Variants in CA5B observed in about 807,000 individuals in gnomAD.
CA5B encodes carbonic anhydrase 5B.
Under a neutral mutation model 23.1 loss-of-function variants are expected in CA5B, and 15 were observed. The ratio of observed to expected loss-of-function variants is 0.65; its 90% CI spans 0.43 to 1.00. CA5B has a LOEUF of 1.00. Ranked by LOEUF, CA5B falls within the 50% of genes least tolerant of loss-of-function variation. The pLI is 0.00. For synonymous variants in CA5B, 84 were observed against 98.5 expected (o/e 0.85, Z 0.87); for missense variants, 236 against 252.2 (o/e 0.94, Z 0.43).
chrX:15,744,336 AC>A (rs1230815046), intron 1 of CA5B, among the ~76,000 whole-genome samples: 2 of 111,883 alleles, frequency 1.8e-5, no homozygotes, highest in Non-Finnish European at 3.8e-5. Flanking sequence ...CCTCAGACCC[AC>A]CCCCGACCAA....
At chrX:15,760,938 T>C (rs1931591418) in intron 2 of CA5B, among the ~76,000 whole-genome samples, 1 of 111,971 alleles carries the variant, frequency 8.9e-6, no homozygotes, top group Non-Finnish European at 1.9e-5. Flanking sequence ...TTATTTTTTA[T>C]TTTTGCCTTT....
chrX:15,786,287 C>T lies in CA5B; in HGVS notation c.*3623C>T, dbSNP rs1267821209. On this transcript the variant is annotated 3_prime_UTR_variant, in exon 8 of 8. Transcript: ENST00000318636. The stretch of plus-strand genomic sequence containing the variant: ...TTACATCTTATACCTGGTGTTCTGG[C>T]ATGATTATTAACCACACTCTTTTTC... 1 of 111,438 alleles carries T rather than the reference C, an allele frequency of 9.0e-6. No homozygotes were observed. Among genetic ancestry groups the T allele is most frequent in the African/African-American group, 3.3e-5 (1 of 30,627 alleles). 9.2% of individuals were successfully genotyped at this position (111,438 alleles called of 1,213,427 possible). A position where few individuals can be genotyped will look rare whatever the true frequency, so the allele number is the denominator to read the frequency against.
At chrX:15,748,414 T>A (rs1294247563) in intron 1 of CA5B, among the ~76,000 whole-genome samples, 1 of 111,559 alleles carries the variant, frequency 9.0e-6, no homozygotes, top group African/African-American at 3.3e-5. Flanking sequence ...AGTAATTTCT[T>A]CTTAACTCCT....
intron 4 of CA5B, among the ~76,000 whole-genome samples, chrX:15,772,824 A>G (rs751900538): frequency 8.9e-6 from 1 of 112,377 alleles, no homozygotes; most frequent in Non-Finnish European, 1.9e-5. Context: ...TAAGATCCTG[A>G]AACTGAATTC....
At position 15,782,518 on chromosome X, in the gene CA5B, G is replaced by A; in HGVS notation, c.808G>A (p.Glu270Lys). Residue 270 changes from glutamate to lysine, a missense_variant, in exon 8 of 8, where the codon GAA becomes AAA. Transcript: ENST00000318636. ...EQFRTLLFTS[E>K]GEKEKRMVDN... Reference sequence around the variant, plus strand: ...ATTTCGGACCCTGCTTTTCACTTCCGAAGGGGAGAAAGAGAAAAGAATGGT... The same window carrying A: ...ATTTCGGACCCTGCTTTTCACTTCCAAAGGGGAGAAAGAGAAAAGAATGGT... The A allele has an allele frequency of 2.5e-6, 3 of 1,210,596 alleles. No homozygotes were observed. Among genetic ancestry groups the A allele is most frequent in the South Asian group, 1.8e-5 (1 of 56,917 alleles).
rs764492819 is a variant in CA5B at position 15,743,941 on chromosome X, C to T, written c.-54+5589C>T. On this transcript the variant is annotated intron_variant, in intron 1 of 7. Coordinates refer to ENST00000318636, the MANE Select transcript of CA5B (RefSeq NM_007220.4). ...AAATCTTCAGAGTCAGGGTCCCCTA[C>T]AGTGAGATCAGCACCATTCTGGGGC... Among the ~76,000 whole-genome samples, 61 of 111,884 alleles carry T rather than the reference C, an allele frequency of 5.5e-4. 1 individual carries two copies. Among genetic ancestry groups the T allele is most frequent in the African/African-American group, 1.9e-3 (59 of 30,831 alleles).
At chrX:15,752,133 C>G (rs975573467) in intron 2 of CA5B, among the ~76,000 whole-genome samples, 11 of 110,881 alleles carry the variant, frequency 9.9e-5, no homozygotes, top group African/African-American at 3.3e-4. Context: ...AAGTTACACG[C>G]AAGACATAAA....
chrX:15,778,373 A>G (rs1931967338), intron 7 of CA5B, among the ~76,000 whole-genome samples: 1 of 112,005 alleles, frequency 8.9e-6, no homozygotes, highest in Admixed American at 9.5e-5. Context: ...TTGATATGCT[A>G]TTTCTAAACT....
Position 15,776,714 on chromosome X carries a change from G to T in CA5B, c.619G>T (p.Asp207Tyr). 8.3e-7 allele frequency: 1 copy of T among 1,206,324 alleles called. No individual in the cohort carries two copies. The highest frequency in any genetic ancestry group is 1.8e-5 in the South Asian group (1 of 56,732). The part of the protein sequence containing the change: ...VDTLPSIKHK[D>Y]ALVEFGSFDP... ...CTCGGTTATCTCTTCTCTTGGCCAGGACGCCCTTGTGGAATTTGGGTCATT... is the reference window on the plus strand; with the variant it reads ...CTCGGTTATCTCTTCTCTTGGCCAGTACGCCCTTGTGGAATTTGGGTCATT... The change falls in exon 7 of 8, where the codon GAC becomes TAC. Residue 207 changes from aspartate to tyrosine, a missense_variant and splice_region_variant. This residue lies in a region of CA5B where 170 missense variants were observed against 162.0 expected (regional missense o/e 1.05). Coordinates refer to ENST00000318636, the MANE Select transcript of CA5B (RefSeq NM_007220.4).
intron 3 of CA5B, chrX:15,769,539 G>T (rs1931778554): frequency 1.3e-6 from 1 of 752,254 alleles, no homozygotes; most frequent in Non-Finnish European, 1.6e-6. Context: ...CCTCCTCAGG[G>T]TGCTTCCTGC....
intron 6 of CA5B, chrX:15,775,797 C>CTTTTTTTTCTTTTATA: frequency 1.3e-6 from 1 of 740,757 alleles, no homozygotes; most frequent in Non-Finnish European, 1.6e-6. Context: ...CATATATTCT[C>CTTTTTTTTCTTTTATA]TTCTTCTCCC....
At chrX:15,775,210 A>G (rs1931898128) in intron 5 of CA5B, 36 bp from the exon 6 acceptor site, 1 of 1,051,459 alleles carries the variant, frequency 9.5e-7, no homozygotes, top group African/African-American at 1.8e-5. Flanking sequence ...TGAGATGTCC[A>G]TTGTTTGTAA....
rs187934929 is a variant in CA5B at position 15,773,667 on chromosome X, C to T, written c.460-635C>T. On this transcript the variant is annotated intron_variant, in intron 4 of 7. Transcript: ENST00000318636. Reference sequence around the variant, plus strand: ...CTTGTGATCCACCCACCTCGGCCTCCCAAAGTGCTGGGATTACAGGCGTGA... The same window carrying T: ...CTTGTGATCCACCCACCTCGGCCTCTCAAAGTGCTGGGATTACAGGCGTGA... Among the ~76,000 whole-genome samples, 799 of 110,485 alleles carry T rather than the reference C, an allele frequency of 7.2e-3. 22 individuals are homozygous for T. The highest frequency in any genetic ancestry group is 0.071 in the Admixed American group (732 of 10,311).
In CA5B at chrX:15,752,501, G is replaced by A. The variant is rs747876908; in HGVS notation, c.142+2336G>A. On this transcript the variant is annotated intron_variant, in intron 2 of 7. Coordinates refer to ENST00000318636, the MANE Select transcript of CA5B (RefSeq NM_007220.4). The stretch of plus-strand genomic sequence containing the variant: ...AGCACTTTGCGAGGCCGAGGCGGGC[G>A]GATCACAAGGTCAGGAGATCAAGAC... 1.5e-4 allele frequency among the ~76,000 whole-genome samples: 17 copies of A among 110,001 alleles called. No homozygotes were observed. In the South Asian group the frequency reaches 6.4e-3, roughly 41 times the overall value.
chrX:15,740,451 C>T (rs1931096258), intron 1 of CA5B, among the ~76,000 whole-genome samples: 1 of 112,334 alleles, frequency 8.9e-6, no homozygotes, highest in Non-Finnish European at 1.9e-5. Flanking sequence ...CAAAAATAAC[C>T]TCATGTATTG....
At position 15,785,270 on chromosome X, in the gene CA5B, A is replaced by G. The variant is rs1282061570; in HGVS notation, c.*2606A>G. On this transcript the variant is annotated 3_prime_UTR_variant, in exon 8 of 8. Transcript: ENST00000318636. The stretch of plus-strand genomic sequence containing the variant: ...GCCAAGAGGTTCTGGAAGCATCCCA[A>G]ATGTCCATCAACAGATGAATAGATA... The G allele has an allele frequency of 1.8e-5, 2 of 112,532 alleles. No homozygotes were observed. Among genetic ancestry groups the G allele is most frequent in the East Asian group, 5.5e-4 (2 of 3,612 alleles). 9.3% of individuals were successfully genotyped at this position (112,532 alleles called of 1,213,427 possible). A position where few individuals can be genotyped will look rare whatever the true frequency, so the allele number is the denominator to read the frequency against.
intron 1 of CA5B, among the ~76,000 whole-genome samples, chrX:15,747,520 G>T (rs957847866): frequency 1.8e-5 from 2 of 109,587 alleles, no homozygotes; most frequent in African/African-American, 3.3e-5. Context: ...TGGCAGGAGG[G>T]GGGGTAGAAG....
chrX:15,764,615 G>A lies in CA5B; in HGVS notation c.180G>A (p.Gly60=). 1 of 1,187,980 alleles carries A rather than the reference G, an allele frequency of 8.4e-7. No individual in the cohort carries two copies. Among genetic ancestry groups the A allele is most frequent in the African/African-American group, 1.8e-5 (1 of 56,754 alleles). ...PLWESVDLVP[G]GDRQSPINIR... ...GGGAGAGCGTGGACCTGGTTCCTGG[G>A]GGCGATCGCCAGTCACCCATCAACA... The change falls in exon 3 of 8, where the codon GGG becomes GGA. Residue 60 remains glycine, a synonymous_variant. Coordinates refer to ENST00000318636, the MANE Select transcript of CA5B (RefSeq NM_007220.4).
chrX:15,754,105 A>G (rs1931443020), intron 2 of CA5B, among the ~76,000 whole-genome samples: 1 of 111,606 alleles, frequency 9.0e-6, no homozygotes, highest in Non-Finnish European at 1.9e-5. Flanking sequence ...AAGGGAGGGT[A>G]TATAATGAGG....
Sources: gnomAD v4.1 joint callset for allele counts (sites outside exome capture counted in the v4.1 genomes callset) on GRCh38, gnomAD v4.1.1 for gene constraint, gnomAD v4.1.1 regional missense constraint, MANE v1.5 for transcripts, NCBI Gene and HGNC (gene_info 2026-07-23, HGNC 2026-07-21) for gene names.